Variants in AXDND1 observed in about 807,000 individuals in gnomAD.
AXDND1 encodes the protein axonemal dynein light chain domain-containing protein 1.
Under a neutral mutation model 137.5 loss-of-function variants are expected in AXDND1, and 110 were observed. That is an observed-to-expected ratio of 0.80 (90% CI 0.69 to 0.94). The LOEUF (loss-of-function observed/expected upper bound fraction) is 0.94, where lower values mean the gene tolerates loss of function less well. Among genes scored for constraint, AXDND1 ranks in the 40% least tolerant of loss-of-function variants. The probability of loss-of-function intolerance (pLI) is 0.00; values close to 1 mark genes in which losing one functional copy is unlikely to be tolerated. For missense variants in AXDND1, 1,191 were observed against 1,169.8 expected, an observed-to-expected ratio of 1.02 and a Z score of -0.26; for synonymous variants, 414 against 399.7, an observed-to-expected ratio of 1.04 and a Z score of -0.43.
intron 17 of AXDND1, among the ~76,000 whole-genome samples, chr1:179,474,322 T>C (rs1481002628): frequency 2.0e-5 from 3 of 152,118 alleles, no homozygotes; most frequent in African/African-American, 7.2e-5. Flanking sequence ...TGCTATAAAG[T>C]TAGCCTGAAA....
intron 25 of AXDND1, among the ~76,000 whole-genome samples, chr1:179,542,029 A>G (rs1196012922): frequency 1.3e-5 from 2 of 152,226 alleles, no homozygotes; most frequent in South Asian, 2.1e-4. Flanking sequence ...CCAAATATTC[A>G]CAGACATTGT....
intron 12 of AXDND1, among the ~76,000 whole-genome samples, chr1:179,425,994 A>G (rs921652767): frequency 1.3e-5 from 2 of 151,698 alleles, no homozygotes; most frequent in Non-Finnish European, 2.9e-5. Flanking sequence ...ATGCCACCAC[A>G]CCCAGATAAT....
At chr1:179,522,375 C>A (rs1352971653) in intron 21 of AXDND1, among the ~76,000 whole-genome samples, 6 of 152,098 alleles carry the variant, frequency 3.9e-5, no homozygotes, top group African/African-American at 1.4e-4. Flanking sequence ...TATTTTCAAT[C>A]TCTTATTTCT....
Position 179,385,420 on chromosome 1 carries a change from A to T in AXDND1, c.863+61A>T, listed in dbSNP as rs974629511. The T allele has an allele frequency of 2.5e-6, 4 of 1,589,480 alleles. No individual in the cohort carries two copies. In the African/African-American group the frequency reaches 5.4e-5, roughly 21 times the overall value. ...TGATTTTTATATTAGATTTGTCTTTATATCTACTTTTGAGAATGCCACAAA... is the reference window on the plus strand; with the variant it reads ...TGATTTTTATATTAGATTTGTCTTTTTATCTACTTTTGAGAATGCCACAAA... On this transcript the variant is annotated intron_variant, in intron 9 of 25. Coordinates refer to ENST00000367618, the MANE Select transcript of AXDND1 (RefSeq NM_144696.6).
intron 21 of AXDND1, among the ~76,000 whole-genome samples, chr1:179,510,213 G>A (rs989920188): frequency 2.6e-5 from 4 of 152,040 alleles, no homozygotes; most frequent in African/African-American, 9.7e-5. Flanking sequence ...TGTGTTTCCT[G>A]TGGTTTTCAT....
chr1:179,430,679 C>T, intron 14 of AXDND1, 73 bp downstream of exon 14: 1 of 1,475,290 alleles, frequency 6.8e-7, no homozygotes, highest in South Asian at 1.3e-5. Context: ...CTGTGTTCCT[C>T]CTTCTGTCTT....
At chr1:179,484,695 C>T (rs1183634395) in intron 18 of AXDND1, among the ~76,000 whole-genome samples, 3 of 152,190 alleles carry the variant, frequency 2.0e-5, no homozygotes, top group African/African-American at 7.2e-5. Context: ...CCCTACATTG[C>T]TTTGCTAGTG....
chr1:179,422,715 GAA>G (rs1655948013), intron 12 of AXDND1, among the ~76,000 whole-genome samples: 1 of 152,120 alleles, frequency 6.6e-6, no homozygotes, highest in East Asian at 1.9e-4. Context: ...GTCCATTACT[GAA>G]AAGAGTGTTA....
chr1:179,481,510 T>C (rs1337903145), intron 17 of AXDND1, among the ~76,000 whole-genome samples: 1 of 152,242 alleles, frequency 6.6e-6, no homozygotes, highest in Non-Finnish European at 1.5e-5. Context: ...AGTAATGGGA[T>C]GGCTGGGTCA....
At position 179,491,691 on chromosome 1, in the gene AXDND1, A is replaced by G. The variant is rs763327335; in HGVS notation, c.2245A>G (p.Ile749Val). Residue 749 changes from isoleucine (I) to valine (V), a missense_variant, in exon 19 of 26, where the codon ATT becomes GTT. Coordinates refer to ENST00000367618, the MANE Select transcript of AXDND1 (RefSeq NM_144696.6). ...AGTTGCGCGATTGGAGCTAGATGCGATTGAACTGACAAGGAAGTTGTACCA... is the reference window on the plus strand; with the variant it reads ...AGTTGCGCGATTGGAGCTAGATGCGGTTGAACTGACAAGGAAGTTGTACCA... The part of the protein sequence containing the change: ...IGVARLELDA[I>V]ELTRKLYQYS... 3 of 1,602,082 alleles carry G rather than the reference A, an allele frequency of 1.9e-6. No individual in the cohort carries two copies. Among genetic ancestry groups the G allele is most frequent in the Admixed American group, 1.7e-5 (1 of 57,444 alleles).
chr1:179,541,032 G>T (rs1479772813), intron 25 of AXDND1, among the ~76,000 whole-genome samples: 2 of 152,178 alleles, frequency 1.3e-5, no homozygotes, highest in East Asian at 3.9e-4. Flanking sequence ...CCCCGACCAA[G>T]CTCCAGCATC....
intron 11 of AXDND1, among the ~76,000 whole-genome samples, chr1:179,398,944 A>C (rs1018909855): frequency 5.3e-5 from 8 of 152,166 alleles, no homozygotes; most frequent in African/African-American, 1.7e-4. Context: ...GCACACATGC[A>C]TGCTGGTGAG....
intron 25 of AXDND1, among the ~76,000 whole-genome samples, chr1:179,538,468 G>A (rs1414668697): frequency 3.3e-5 from 5 of 152,168 alleles, no homozygotes; most frequent in African/African-American, 9.7e-5. Context: ...TCATTCAGGA[G>A]CAGGTTGTTC....
chr1:179,478,129 G>T (rs920404340), intron 17 of AXDND1, among the ~76,000 whole-genome samples: 2 of 152,158 alleles, frequency 1.3e-5, no homozygotes, highest in Non-Finnish European at 1.5e-5. Flanking sequence ...TTCATGGGCT[G>T]GGGTTGAGTG....
intron 16 of AXDND1, chr1:179,448,078 T>A: frequency 9.4e-7 from 1 of 1,063,136 alleles, no homozygotes; most frequent in South Asian, 1.3e-5. Context: ...AATGTTATGA[T>A]TCTGCATCAT....
At position 179,385,348 on chromosome 1, in the gene AXDND1, G is replaced by A. The variant is rs751616896; in HGVS notation, c.852G>A (p.Leu284=). 2.5e-6 allele frequency: 4 copies of A among 1,613,924 alleles called. No individual in the cohort carries two copies. Among genetic ancestry groups the A allele is most frequent in the Admixed American group, 3.3e-5 (2 of 59,992 alleles). Reference sequence around the variant, plus strand: ...ACTGTGCAGACAGAGGAGAACTTCTGTCTAAAGTCAGGTTAGTGCTGTTAT... The same window carrying A: ...ACTGTGCAGACAGAGGAGAACTTCTATCTAAAGTCAGGTTAGTGCTGTTAT... ...SVDCADRGEL[L]SKVRERYVQM... is the part of the protein sequence containing the mutation. Residue 284 remains leucine, a synonymous_variant, in exon 9 of 26, where the codon CTG becomes CTA. Transcript: ENST00000367618.
At chr1:179,512,475 A>G (rs1296413864) in intron 21 of AXDND1, among the ~76,000 whole-genome samples, 1 of 152,122 alleles carries the variant, frequency 6.6e-6, no homozygotes, top group Admixed American at 6.5e-5. Context: ...GCCTTATAGT[A>G]TAGTTTGAAA....
At chr1:179,373,316 G>A (rs942954237) in intron 4 of AXDND1, among the ~76,000 whole-genome samples, 5 of 152,232 alleles carry the variant, frequency 3.3e-5, no homozygotes, top group African/African-American at 9.6e-5. Flanking sequence ...ACTGCTCAAC[G>A]AAATAAAAGA....
intron 16 of AXDND1, among the ~76,000 whole-genome samples, chr1:179,460,270 C>A (rs1379045859): frequency 6.6e-6 from 1 of 152,028 alleles, no homozygotes; most frequent in East Asian, 1.9e-4. Context: ...TCAATTCTCA[C>A]ATATGAGTGA....
Sources: allele counts gnomAD v4.1 joint callset (sites outside exome capture counted in the v4.1 genomes callset), GRCh38; gene constraint gnomAD v4.1.1; transcripts MANE v1.5; gene names NCBI Gene and HGNC (gene_info 2026-07-23, HGNC 2026-07-21).